Variants in TBCB observed in about 807,000 individuals in gnomAD.
TBCB encodes the protein tubulin folding cofactor B.
In TBCB, 18 loss-of-function variants were observed where a neutral mutation model predicts 29.2. The observed-to-expected ratio is 0.62, with a 90% CI of 0.43 to 0.91. TBCB has a LOEUF of 0.91. Among genes scored for constraint, TBCB ranks in the 40% least tolerant of loss-of-function variants. TBCB has a pLI of 0.00. For synonymous variants in TBCB, 172 were observed against 137.8 expected, an observed-to-expected ratio of 1.25 and a Z score of -1.74; for missense variants, 336 against 337.6, an observed-to-expected ratio of 1.00 and a Z score of 0.04.
Position 36,116,122 on chromosome 19 carries a change from A to T in TBCB, c.196A>T (p.Lys66Ter). 1 of 1,614,188 alleles carries T rather than the reference A, an allele frequency of 6.2e-7. No homozygotes were observed. Among genetic ancestry groups the T allele is most frequent in the Non-Finnish European group, 8.5e-7 (1 of 1,180,038 alleles). Reference protein sequence around the residue: ...LYGVDDKFYSKLDQEDALLGS... With the variant: ...LYGVDDKFYS ...TGGAGTTGACGACAAGTTCTACAGC[A>T]AGCTGGATCAAGAGGATGCGCTCCT... The change falls in exon 2 of 6, where the codon AAG becomes TAG. Residue 66 changes from lysine to a stop codon, truncating the protein, a stop_gained. Coordinates refer to ENST00000221855, the MANE Select transcript of TBCB (RefSeq NM_001281.3). LOFTEE classifies it high-confidence loss of function.
At chr19:36,120,038 C>T (rs1390924996) in intron 2 of TBCB, among the ~76,000 whole-genome samples, 2 of 152,156 alleles carry the variant, frequency 1.3e-5, no homozygotes, top group Non-Finnish European at 2.9e-5. Context: ...CGTTCTTGCT[C>T]ATCTTTCCAG....
At chr19:36,121,466 G>A (rs1974047890) in intron 3 of TBCB, 61 bp from the exon 4 acceptor site, 9 of 1,500,940 alleles carry the variant, frequency 6.0e-6, no homozygotes, top group Non-Finnish European at 7.1e-6. Context: ...CTCGTGGGTG[G>A]AGCGTCATCC....
At chr19:36,115,723 G>T (rs1973938581) in intron 1 of TBCB, 49 bp downstream of exon 1, 1 of 1,444,990 alleles carries the variant, frequency 6.9e-7, no homozygotes, top group Non-Finnish European at 9.5e-7. Flanking sequence ...AGAAATTGGG[G>T]GGTTCCCGGA....
At chr19:36,117,265 T>C (rs981106206) in intron 2 of TBCB, among the ~76,000 whole-genome samples, 1 of 152,196 alleles carries the variant, frequency 6.6e-6, no homozygotes, top group South Asian at 2.1e-4. Flanking sequence ...GGGTGGAAAT[T>C]TTGATCACTA....
At chr19:36,122,148 C>G (rs984169731) in intron 4 of TBCB, 1 of 259,320 alleles carries the variant, frequency 3.9e-6, no homozygotes, top group Non-Finnish European at 7.6e-6. Context: ...AGGAAGAGTT[C>G]CCGCCAGAAG....
upstream of TBCB, chr19:36,115,361 A>G: frequency 1.7e-6 from 1 of 582,822 alleles, no homozygotes; most frequent in Non-Finnish European, 3.0e-6. Context: ...GGGCTGGCCC[A>G]AGAGTAAGGA....
chr19:36,121,402 GGGT>G, intron 3 of TBCB, 122 bp from the exon 4 acceptor site: 1 of 1,179,768 alleles, frequency 8.5e-7, no homozygotes, highest in Middle Eastern at 2.9e-4. Context: ...CCTGGGGCTT[GGGT>G]GACAGCCCTT....
chr19:36,125,333 T>A (rs1323486875), intron 4 of TBCB, 118 bp from the exon 5 acceptor site: 1 of 1,146,388 alleles, frequency 8.7e-7, no homozygotes, highest in African/African-American at 1.5e-5. Context: ...CAAGAAATGG[T>A]TTTCACCAAG....
At chr19:36,121,007 G>C (rs1357885719) in intron 3 of TBCB, among the ~76,000 whole-genome samples, 1 of 151,122 alleles carries the variant, frequency 6.6e-6, no homozygotes, top group Non-Finnish European at 1.5e-5. Flanking sequence ...GGAGGTGTCA[G>C]GGGTATGGGC....
intron 4 of TBCB, among the ~76,000 whole-genome samples, chr19:36,123,915 A>G (rs1356527323): frequency 6.6e-6 from 1 of 152,082 alleles, no homozygotes; most frequent in South Asian, 2.1e-4. Context: ...ATTTGTTTTC[A>G]TTTCTCTGTG....
chr19:36,123,251 CTTCTT>C (rs1974085233), intron 4 of TBCB, among the ~76,000 whole-genome samples: 1 of 130,320 alleles, frequency 7.7e-6, no homozygotes, highest in African/African-American at 2.8e-5. Context: ...TATGAACCTT[CTTCTT>C]TTTTTTTTTT....
rs770807018 is a variant in TBCB at position 36,120,821 on chromosome 19, G to C, written c.355+15G>C. ...CCAGAGGCAAGGTACGGGCAGGTGG[G>C]CGTCGAGGGGTGCGTGGGGGCCAGA... On this transcript the variant is annotated intron_variant, in intron 3 of 5. Coordinates refer to ENST00000221855, the MANE Select transcript of TBCB (RefSeq NM_001281.3). The C allele has an allele frequency of 1.9e-6, 3 of 1,613,486 alleles. No individual in the cohort carries two copies. The highest frequency in any genetic ancestry group is 1.7e-6 in the Non-Finnish European group (2 of 1,179,576).
chr19:36,119,219 T>C (rs1436953272), intron 2 of TBCB, among the ~76,000 whole-genome samples: 1 of 152,218 alleles, frequency 6.6e-6, no homozygotes, highest in Admixed American at 6.5e-5. Flanking sequence ...ATATTCATTG[T>C]TTAAAATAAC....
chr19:36,120,772 C>T lies in TBCB; in HGVS notation c.321C>T (p.Tyr107=). 6.2e-7 allele frequency: 1 copy of T among 1,614,008 alleles called. No individual in the cohort carries two copies. Among genetic ancestry groups the T allele is most frequent in the African/African-American group, 1.3e-5 (1 of 75,004 alleles). Reference sequence around the variant, plus strand: ...AGGACGTGTCCCGGGTGGAGAAGTACACGATCTCACAAGAAGCCTACGACC... The same window carrying T: ...AGGACGTGTCCCGGGTGGAGAAGTATACGATCTCACAAGAAGCCTACGACC... ...EYEDVSRVEK[Y]TISQEAYDQR... Residue 107 remains tyrosine (Y), a synonymous_variant, in exon 3 of 6, where the codon TAC becomes TAT. Transcript: ENST00000221855.
chr19:36,115,924 G>A, intron 1 of TBCB, 117 bp from the exon 2 acceptor site: 4 of 1,448,196 alleles, frequency 2.8e-6, no homozygotes, highest in Admixed American at 1.9e-5. Flanking sequence ...CTGGATTGCG[G>A]CCCCGTGCGT....
intron 4 of TBCB, among the ~76,000 whole-genome samples, chr19:36,122,727 C>T (rs1041041860): frequency 6.2e-5 from 9 of 145,156 alleles, no homozygotes; most frequent in South Asian, 2.2e-4. Flanking sequence ...GCACTGCAGC[C>T]TGGGTGACAG....
upstream of TBCB, chr19:36,115,234 C>T (rs1310596864): frequency 9.3e-6 from 5 of 535,862 alleles, no homozygotes; most frequent in African/African-American, 2.0e-5. Context: ...CCTTCGCGGA[C>T]TGGGCGAGCT....
At chr19:36,123,632 G>C (rs1169954763) in intron 4 of TBCB, among the ~76,000 whole-genome samples, 1 of 152,074 alleles carries the variant, frequency 6.6e-6, no homozygotes, top group Non-Finnish European at 1.5e-5. Context: ...CCAGCACTTT[G>C]GGAGGCCAAG....
rs183907368 is a variant in TBCB, at chr19:36,122,677, C to T, written c.547+959C>T. On this transcript the variant is annotated intron_variant, in intron 4 of 5. Transcript: ENST00000221855. ...GGCTGAGGTGGGAGGATGGCTTGAGCCCGGGAGTTGAGGCTGCAGTGAGCT... is the reference window on the plus strand; with the variant it reads ...GGCTGAGGTGGGAGGATGGCTTGAGTCCGGGAGTTGAGGCTGCAGTGAGCT... 4.7e-3 allele frequency among the ~76,000 whole-genome samples: 711 copies of T among 150,948 alleles called. 16 individuals carry two copies. The highest frequency in any genetic ancestry group is 0.037 in the Admixed American group (563 of 15,126).
Sources: allele counts gnomAD v4.1 joint callset (sites outside exome capture counted in the v4.1 genomes callset), GRCh38; gene constraint gnomAD v4.1.1; transcripts MANE v1.5; gene names NCBI Gene and HGNC (gene_info 2026-07-23, HGNC 2026-07-21).